The following NXF1 variants were observed in gnomAD, a reference collection of about 807,000 sequenced individuals.
The protein encoded by NXF1 is mRNA export factor TAP.
NXF1 carries 43 observed loss-of-function variants against 92.4 expected under a neutral mutation model. The observed-to-expected ratio is 0.47, with a 90% confidence interval of 0.36 to 0.60. The LOEUF is 0.60. Ranked by LOEUF, NXF1 falls within the 20% of genes least tolerant of loss-of-function variation. The pLI is 0.00. For missense variants in NXF1, 576 were observed against 793.0 expected (o/e 0.73, Z 3.29); for synonymous variants, 288 against 292.2 (o/e 0.99, Z 0.15).
At position 62,798,521 on chromosome 11, in the gene NXF1, A is replaced by C; in HGVS notation, c.1053+18T>G. 6.2e-7 allele frequency: 1 copy of C among 1,613,920 alleles called. No homozygotes were observed. Among genetic ancestry groups the C allele is most frequent in the South Asian group, 1.1e-5 (1 of 91,060 alleles). On this transcript the variant is annotated intron_variant, in intron 11 of 20. Coordinates refer to ENST00000294172, the MANE Select transcript of NXF1 (RefSeq NM_006362.5). ...GAGAGATGCTGTGCTTGTTAGAATG[A>C]AAAAATTATGGACTTACCAGGCGTA...
chr11:62,801,359 G>A lies in NXF1; in HGVS notation c.768C>T (p.Thr256=), dbSNP rs1185804826. 6.2e-7 allele frequency: 1 copy of A among 1,614,110 alleles called. No individual in the cohort carries two copies. ...GGATGTTCTCTTCAATGATCCTCAGGGTAGCTGCCATACAGCTTCTGCGAT... is the reference window on the plus strand; with the variant it reads ...GGATGTTCTCTTCAATGATCCTCAGAGTAGCTGCCATACAGCTTCTGCGAT... ...VLNRRSCMAA[T]LRIIEENIPE... is the part of the protein sequence containing the mutation. The change falls in exon 8 of 21, where the codon ACC becomes ACT. Residue 256 remains threonine, a synonymous_variant. Transcript: ENST00000294172.
chr11:62,801,209 G>A lies in NXF1; in HGVS notation c.799-8C>T. 1.7e-5 allele frequency: 28 copies of A among 1,613,390 alleles called. No individual in the cohort carries two copies. The highest frequency in any genetic ancestry group is 2.2e-5 in the Non-Finnish European group (26 of 1,179,332). Reference sequence around the variant, plus strand: ...CAAGTTCAAGGACAATAGCTGTGAGGAGAGAAGAGTTTAGAGGAGGCACCA... The same window carrying A: ...CAAGTTCAAGGACAATAGCTGTGAGAAGAGAAGAGTTTAGAGGAGGCACCA... On this transcript the variant is annotated splice_region_variant and splice_polypyrimidine_tract_variant and intron_variant, in intron 8 of 20. Coordinates refer to ENST00000294172, the MANE Select transcript of NXF1 (RefSeq NM_006362.5).
Position 62,796,903 on chromosome 11 carries a change from C to T in NXF1, c.1178+280G>A, listed in dbSNP as rs539325230. The stretch of plus-strand genomic sequence containing the variant: ...CCAACATAGTGAAATCCCATCTGTA[C>T]GAAAAATACAAAAATTAGCCAGGTG... On this transcript the variant is annotated intron_variant, in intron 13 of 20. Transcript: ENST00000294172. 8.7e-5 allele frequency: 47 copies of T among 543,050 alleles called. No individual in the cohort carries two copies. In the East Asian group the frequency reaches 8.8e-4, roughly 10 times the overall value. 33.6% of individuals were successfully genotyped at this position (543,050 alleles called of 1,614,324 possible).
rs1018684753 is a variant in NXF1 at position 62,803,653 on chromosome 11, A to G, written c.216-81T>C. 1.9e-6 allele frequency: 3 copies of G among 1,559,386 alleles called. No individual in the cohort carries two copies. In the African/African-American group the frequency reaches 4.1e-5, roughly 21 times the overall value. Reference sequence around the variant, plus strand: ...GCCTTCCTGCACTGTTAGTGGGACTACAACTAAGACTGTTTAATCACTAAG... The same window carrying G: ...GCCTTCCTGCACTGTTAGTGGGACTGCAACTAAGACTGTTTAATCACTAAG... On this transcript the variant is annotated intron_variant, in intron 2 of 20. Coordinates refer to ENST00000294172, the MANE Select transcript of NXF1 (RefSeq NM_006362.5).
chr11:62,805,295 A>C, intron 1 of NXF1, 34 bp downstream of exon 1: 1 of 1,590,110 alleles, frequency 6.3e-7, no homozygotes, highest in Non-Finnish European at 8.6e-7. Context: ...CGCGCCCCAG[A>C]TAGCCAGTTC....
intron 10 of NXF1, chr11:62,800,049 A>G (rs899201461): frequency 1.7e-6 from 2 of 1,153,958 alleles, no homozygotes; most frequent in African/African-American, 3.2e-5. Flanking sequence ...GGTATGTACA[A>G]GATACCCTCT....
chr11:62,793,082 CTTTT>C (rs5792271), intron 19 of NXF1, among the ~76,000 whole-genome samples: 13,347 of 140,396 alleles, frequency 0.095, 730 homozygotes, highest in African/African-American at 0.16. Context: ...TTTCTGTTTG[CTTTT>C]TTTTTTTTTT....
chr11:62,797,673 TCCAGC>T (rs1274073930), intron 11 of NXF1, among the ~76,000 whole-genome samples: 2 of 152,106 alleles, frequency 1.3e-5, no homozygotes, highest in Non-Finnish European at 2.9e-5. Context: ...GCCACTGCAC[TCCAGC>T]CTGGATGACA....
chr11:62,802,385 G>GT (rs1229454931), intron 3 of NXF1, 125 bp from the exon 4 acceptor site: 1 of 702,308 alleles, frequency 1.4e-6, no homozygotes, highest in Non-Finnish European at 2.4e-6. Flanking sequence ...CCAGTACTAG[G>GT]TTTTCTACTT....
chr11:62,794,806 C>T (rs1472606651), intron 18 of NXF1, 129 bp downstream of exon 18: 1 of 827,866 alleles, frequency 1.2e-6, no homozygotes, highest in Admixed American at 2.3e-5. Flanking sequence ...CTCTTAACTA[C>T]TATGTGAGCT....
intron 13 of NXF1, 109 bp downstream of exon 13, chr11:62,797,074 A>G (rs1012738727): frequency 9.5e-7 from 1 of 1,047,386 alleles, no homozygotes; most frequent in African/African-American, 1.6e-5. Context: ...TCCAAAAAAA[A>G]AAAAAAAAAC....
chr11:62,800,529 G>A (rs2084467663), intron 9 of NXF1, 43 bp from the exon 10 acceptor site: 3 of 1,442,476 alleles, frequency 2.1e-6, no homozygotes, highest in Non-Finnish European at 2.9e-6. Flanking sequence ...CCCTGGTGAA[G>A]ACAGCCAGCT....
rs956933182 is a variant in NXF1 at position 62,797,084 on chromosome 11, C to CA, written c.1178+98dup. 5.9e-5 allele frequency: 42 copies of CA among 714,534 alleles called. No individual in the cohort carries two copies. The African/African-American group carries it at 7.2e-4, about 12-fold the overall frequency. The allele number at this position is 714,534 out of a possible 1,614,324, so 44.3% of individuals were successfully genotyped here. A position where few individuals can be genotyped will look rare whatever the true frequency, so the allele number is the denominator to read the frequency against. ...CACTGTCCAAAAAAAAAAAAAAAAA[C>CA]AAAACAAAAAACAAAACAAAAAGAT... On this transcript the variant is annotated intron_variant, in intron 13 of 20. Transcript: ENST00000294172.
intron 6 of NXF1, 53 bp downstream of exon 6, chr11:62,801,686 G>A: frequency 6.2e-7 from 1 of 1,603,468 alleles, no homozygotes; most frequent in Non-Finnish European, 8.5e-7. Flanking sequence ...GGGGGTGGGG[G>A]TGTGAGAAGT....
chr11:62,794,766 G>T, intron 18 of NXF1, 169 bp downstream of exon 18: 1 of 645,662 alleles, frequency 1.5e-6, no homozygotes. Context: ...AACCCAGACG[G>T]TACAATTCCA....
intron 6 of NXF1, 30 bp downstream of exon 6, chr11:62,801,709 T>C (rs1477304558): frequency 4.3e-6 from 7 of 1,610,908 alleles, no homozygotes; most frequent in Admixed American, 1.7e-5. Flanking sequence ...TAAGACTGGG[T>C]TGGAAACATC....
Position 62,792,406 on chromosome 11 carries a change from C to CA in NXF1, c.*69dup, listed in dbSNP as rs2084373895. 2.6e-5 allele frequency: 42 copies of CA among 1,592,524 alleles called. No homozygotes were observed. In the South Asian group the frequency reaches 4.5e-4, roughly 17 times the overall value. ...CCTCGGGCCAGACAGGAGGAGATGA[C>CA]AGACGACAACCAGACGGTAATATCC... On this transcript the variant is annotated 3_prime_UTR_variant, in exon 21 of 21. Coordinates refer to ENST00000294172, the MANE Select transcript of NXF1 (RefSeq NM_006362.5).
At chr11:62,794,502 C>A in intron 18 of NXF1, 62 bp from the exon 19 acceptor site, 1 of 1,435,412 alleles carries the variant, frequency 7.0e-7, no homozygotes. Context: ...CAACATCATT[C>A]CTATTCTCTG....
chr11:62,792,582 C>T, intron 20 of NXF1, 59 bp downstream of exon 20: 2 of 1,613,844 alleles, frequency 1.2e-6, no homozygotes, highest in Non-Finnish European at 1.7e-6. Flanking sequence ...CTCAGCTAAC[C>T]TGACCTCCTG....
Sources: gnomAD v4.1 joint callset for allele counts (sites outside exome capture counted in the v4.1 genomes callset) on GRCh38, gnomAD v4.1.1 for gene constraint, MANE v1.5 for transcripts, NCBI Gene and HGNC (gene_info 2026-07-23, HGNC 2026-07-21) for gene names.